Variants in SLC44A5 observed in about 807,000 individuals in gnomAD.
The protein encoded by SLC44A5 is solute carrier family 44 member 5.
Under a neutral mutation model 101.8 loss-of-function variants are expected in SLC44A5, and 57 were observed. The ratio of observed to expected loss-of-function variants is 0.56; its 90% confidence interval spans 0.45 to 0.70. The LOEUF (loss-of-function observed/expected upper bound fraction) is 0.70. SLC44A5 is among the 30% of genes least tolerant of loss of function. SLC44A5 has a pLI of 0.00. For missense variants in SLC44A5, 737 were observed against 853.1 expected (o/e 0.86, Z 1.70); for synonymous variants, 281 against 290.9 (o/e 0.97, Z 0.35).
At position 75,479,881 on chromosome 1, in the gene SLC44A5, A is replaced by G. The variant is rs1346695579; in HGVS notation, c.13+61554T>C. ...ATTCCAATCAATAGAAAAAGAGGGA[A>G]TCCTCCCTAACTCATTTGAGGAGGC... On this transcript the variant is annotated intron_variant, in intron 2 of 23. Transcript: ENST00000370859. Among the ~76,000 whole-genome samples the G allele has an allele frequency of 2.0e-5, 3 of 152,328 alleles. No individual in the cohort carries two copies. In the East Asian group the frequency reaches 5.8e-4, roughly 29 times the overall value.
the SLC44A5 span, among the ~76,000 whole-genome samples, chr1:75,693,421 G>C: frequency 2.8e-3 from 422 of 152,232 alleles, no homozygotes; most frequent in Middle Eastern, 0.014. Flanking sequence ...CTGCCTCCTA[G>C]TTTTTCAAAG....
chr1:75,582,781 G>T (rs1485350955), intron 1 of SLC44A5, among the ~76,000 whole-genome samples: 2 of 152,206 alleles, frequency 1.3e-5, no homozygotes, highest in Non-Finnish European at 2.9e-5. Context: ...TTTCACTACA[G>T]TGATTTTCTA....
intron 1 of SLC44A5, among the ~76,000 whole-genome samples, chr1:75,577,061 C>T (rs1250328376): frequency 1.3e-5 from 2 of 152,170 alleles, no homozygotes; most frequent in African/African-American, 4.8e-5. Context: ...CCCTGCATCT[C>T]ATTGACTCTT....
rs188712914 is a variant in SLC44A5, at chr1:75,478,906, A to G, written c.13+62529T>C. Among the ~76,000 whole-genome samples the G allele has an allele frequency of 2.7e-3, 408 of 152,354 alleles. 1 individual carries two copies. Among genetic ancestry groups the G allele is most frequent in the Admixed American group, 6.3e-3 (97 of 15,310 alleles). On this transcript the variant is annotated intron_variant, in intron 2 of 23. Transcript: ENST00000370859. ...CAGCTCTGCACCAAGAGGACCTAATAGACATCTACAGAACTCTCCACCCCA... is the reference window on the plus strand; with the variant it reads ...CAGCTCTGCACCAAGAGGACCTAATGGACATCTACAGAACTCTCCACCCCA...
chr1:75,689,006 G>A, the SLC44A5 span, among the ~76,000 whole-genome samples: 1 of 152,112 alleles, frequency 6.6e-6, no homozygotes, highest in Non-Finnish European at 1.5e-5. Flanking sequence ...TACTCTATTA[G>A]ATCTTAAGAA....
intron 2 of SLC44A5, chr1:75,522,082 A>G (rs932212254): frequency 7.9e-5 from 12 of 152,224 alleles, no homozygotes; most frequent in African/African-American, 2.7e-4. Flanking sequence ...AAGAGCTCAG[A>G]TATCTCCCCT....
the SLC44A5 span, among the ~76,000 whole-genome samples, chr1:75,708,351 T>C: frequency 7.2e-6 from 1 of 138,648 alleles, no homozygotes; most frequent in African/African-American, 2.8e-5. Context: ...GAGGTGGAGG[T>C]TTCAGTGAGC....
At position 75,522,984 on chromosome 1, in the gene SLC44A5, A is replaced by G. The variant is rs75358243; in HGVS notation, c.13+18451T>C. The stretch of plus-strand genomic sequence containing the variant: ...GACTCATTAGCAGAGGGCTAAGATA[A>G]CCCTAGTACAAGTGCAGCTAGAAAT... On this transcript the variant is annotated intron_variant, in intron 2 of 23. Transcript: ENST00000370859. 5.7e-3 allele frequency among the ~76,000 whole-genome samples: 866 copies of G among 152,226 alleles called. 4 individuals carry two copies. The highest frequency in any genetic ancestry group is 0.02 in the African/African-American group (830 of 41,546).
chr1:75,401,727 A>G (rs962983250), intron 2 of SLC44A5, among the ~76,000 whole-genome samples: 1 of 152,122 alleles, frequency 6.6e-6, no homozygotes, highest in African/African-American at 2.4e-5. Context: ...TTGTAAACAT[A>G]TATACTGCAG....
At chr1:75,344,920 G>C (rs1019154290) in intron 3 of SLC44A5, among the ~76,000 whole-genome samples, 1 of 152,100 alleles carries the variant, frequency 6.6e-6, no homozygotes, top group South Asian at 2.1e-4. Flanking sequence ...GTTTCTCTAG[G>C]GCAGAAATGA....
the SLC44A5 span, among the ~76,000 whole-genome samples, chr1:75,632,360 G>A: frequency 6.7e-6 from 1 of 150,262 alleles, no homozygotes; most frequent in South Asian, 2.1e-4. Flanking sequence ...TCAGCTATAT[G>A]TATTTCAGAA....
the SLC44A5 span, among the ~76,000 whole-genome samples, chr1:75,633,887 T>C: frequency 6.6e-6 from 1 of 152,210 alleles, no homozygotes; most frequent in East Asian, 1.9e-4. Context: ...TATTTTGAGA[T>C]ATGTCCCATC....
At position 75,279,357 on chromosome 1, in the gene SLC44A5, G is replaced by A. The variant is rs1025663681; in HGVS notation, c.176-4315C>T. On this transcript the variant is annotated intron_variant, in intron 5 of 23. Coordinates refer to ENST00000370859, the MANE Select transcript of SLC44A5 (RefSeq NM_001130058.2). ...CATCAGTGGGACATGGGAAAGTCAA[G>A]CAGAAAGTGAGGTGTAGGAGTAAGC... Among the ~76,000 whole-genome samples the A allele has an allele frequency of 3.9e-5, 6 of 152,114 alleles. No individual in the cohort carries two copies. The South Asian group carries it at 1.0e-3, about 26-fold the overall frequency.
At chr1:75,301,855 G>A (rs1270512384) in intron 4 of SLC44A5, among the ~76,000 whole-genome samples, 1 of 152,112 alleles carries the variant, frequency 6.6e-6, no homozygotes, top group Non-Finnish European at 1.5e-5. Context: ...TTTCACTTAT[G>A]AGTTATGTTA....
intron 2 of SLC44A5, among the ~76,000 whole-genome samples, chr1:75,465,829 G>C (rs1328305640): frequency 2.0e-5 from 3 of 152,050 alleles, no homozygotes; most frequent in Non-Finnish European, 2.9e-5. Context: ...GATTGAACCA[G>C]GAAAAAATCC....
chr1:75,385,944 C>A (rs1459760176), intron 3 of SLC44A5, among the ~76,000 whole-genome samples: 1 of 152,022 alleles, frequency 6.6e-6, no homozygotes, highest in Admixed American at 6.6e-5. Flanking sequence ...ATAAACAGAA[C>A]CAAAGACAAA....
intron 2 of SLC44A5, among the ~76,000 whole-genome samples, chr1:75,452,288 T>C (rs1665950580): frequency 6.6e-6 from 1 of 152,156 alleles, no homozygotes; most frequent in African/African-American, 2.4e-5. Flanking sequence ...GAATTTCATA[T>C]CCTGCCAAAC....
chr1:75,350,845 G>A (rs1658593429), intron 3 of SLC44A5, among the ~76,000 whole-genome samples: 1 of 138,134 alleles, frequency 7.2e-6, no homozygotes, highest in Non-Finnish European at 1.5e-5. Flanking sequence ...AGTGAACCAA[G>A]ATTGTGCCAT....
intron 1 of SLC44A5, among the ~76,000 whole-genome samples, chr1:75,562,213 T>C (rs1162076041): frequency 6.6e-6 from 1 of 152,070 alleles, no homozygotes; most frequent in Admixed American, 6.6e-5. Context: ...ATACTAGTAT[T>C]TCCCAGATTT....
Sources: gnomAD v4.1 joint callset for allele counts (sites outside exome capture counted in the v4.1 genomes callset) on GRCh38, gnomAD v4.1.1 for gene constraint, MANE v1.5 for transcripts, NCBI Gene and HGNC (gene_info 2026-07-23, HGNC 2026-07-21) for gene names.